The following FSTL5 variants were observed in gnomAD, a reference collection of about 807,000 sequenced individuals.
FSTL5 encodes follistatin-related protein 5.
A neutral mutation model predicts 89.1 loss-of-function variants in FSTL5; 62 were observed. The ratio of observed to expected loss-of-function variants is 0.70; its 90% CI spans 0.57 to 0.86. FSTL5 has a LOEUF of 0.86. Ranked by LOEUF, FSTL5 falls within the 40% of genes least tolerant of loss-of-function variation. The probability of loss-of-function intolerance (pLI) is 0.00; values close to 1 mark genes in which losing one functional copy is unlikely to be tolerated. For synonymous variants in FSTL5, 383 were observed against 346.2 expected (o/e 1.11, Z -1.18); for missense variants, 1,057 against 1,001.6 (o/e 1.06, Z -0.75).
At chr4:162,130,383 G>C (rs1463142608) in intron 1 of FSTL5, among the ~76,000 whole-genome samples, 1 of 149,318 alleles carries the variant, frequency 6.7e-6, no homozygotes, top group East Asian at 2.0e-4. Context: ...AAACAAGAAT[G>C]TTGTGTTTCC....
chr4:162,152,424 T>C (rs1253458099), intron 1 of FSTL5, among the ~76,000 whole-genome samples: 3 of 152,182 alleles, frequency 2.0e-5, no homozygotes, highest in Non-Finnish European at 2.9e-5. Flanking sequence ...TGCCAAAGGA[T>C]TGAGATATTG....
chr4:161,537,395 C>T (rs549984120), intron 10 of FSTL5, among the ~76,000 whole-genome samples: 3 of 152,118 alleles, frequency 2.0e-5, no homozygotes, highest in Non-Finnish European at 4.4e-5. Flanking sequence ...CACTGTGGCA[C>T]GTGTATACCA....
intron 15 of FSTL5, among the ~76,000 whole-genome samples, chr4:161,432,498 A>G (rs922028767): frequency 2.0e-5 from 3 of 152,084 alleles, no homozygotes; most frequent in African/African-American, 7.2e-5. Context: ...CCAAAAAGGT[A>G]GAAAAACTTC....
chr4:161,494,445 T>C (rs1262044784), intron 12 of FSTL5, among the ~76,000 whole-genome samples: 2 of 152,134 alleles, frequency 1.3e-5, no homozygotes, highest in Admixed American at 6.6e-5. Flanking sequence ...AGGGAATTGA[T>C]GAACACCCTG....
chr4:161,546,166 TAA>T (rs1731997641), intron 8 of FSTL5, among the ~76,000 whole-genome samples: 1 of 151,092 alleles, frequency 6.6e-6, no homozygotes, highest in Admixed American at 6.6e-5. Flanking sequence ...AATAGAAAGT[TAA>T]GTCAGAAAAA....
At chr4:161,534,133 C>G (rs6819623) in intron 10 of FSTL5, among the ~76,000 whole-genome samples, 1 of 151,958 alleles carries the variant, frequency 6.6e-6, no homozygotes, top group African/African-American at 2.4e-5. Context: ...ATACTGAATG[C>G]GCAAAAGCTG....
chr4:161,977,816 C>T (rs1401115688), intron 3 of FSTL5, among the ~76,000 whole-genome samples: 1 of 151,786 alleles, frequency 6.6e-6, no homozygotes, highest in Non-Finnish European at 1.5e-5. Context: ...TTCACCAAAG[C>T]AGAAGTGGAC....
At chr4:162,014,287 T>C (rs1294698773) in intron 3 of FSTL5, among the ~76,000 whole-genome samples, 2 of 152,230 alleles carry the variant, frequency 1.3e-5, no homozygotes, top group African/African-American at 4.8e-5. Flanking sequence ...TTTTCAGCCT[T>C]GTCTGCAAGG....
chr4:161,504,904 T>A (rs987050536), intron 11 of FSTL5, among the ~76,000 whole-genome samples: 1 of 152,102 alleles, frequency 6.6e-6, no homozygotes, highest in East Asian at 1.9e-4. Context: ...TAATTTCTGA[T>A]CATTGGATGC....
At chr4:162,096,732 C>A (rs1730767288) in intron 2 of FSTL5, among the ~76,000 whole-genome samples, 2 of 151,748 alleles carry the variant, frequency 1.3e-5, no homozygotes, top group East Asian at 3.9e-4. Flanking sequence ...TAAGTATGAA[C>A]AAGTTTACTA....
chr4:162,083,441 T>C (rs1196336149), intron 2 of FSTL5, among the ~76,000 whole-genome samples: 1 of 151,758 alleles, frequency 6.6e-6, no homozygotes, highest in African/African-American at 2.4e-5. Context: ...AAATATTGAC[T>C]CTCTTTAAGA....
At chr4:161,625,651 C>T (rs1162686277) in intron 7 of FSTL5, among the ~76,000 whole-genome samples, 2 of 152,012 alleles carry the variant, frequency 1.3e-5, no homozygotes, top group Non-Finnish European at 2.9e-5. Flanking sequence ...AAGGAAGAGT[C>T]ACACACCTCT....
intron 7 of FSTL5, among the ~76,000 whole-genome samples, chr4:161,607,821 T>C (rs921232042): frequency 7.2e-5 from 11 of 152,174 alleles, no homozygotes; most frequent in African/African-American, 2.4e-4. Flanking sequence ...TTTGTTATCA[T>C]TAAATGTTTG....
chr4:161,499,817 A>C (rs1730231793), intron 12 of FSTL5, among the ~76,000 whole-genome samples, 199 bp downstream of exon 12: 1 of 147,150 alleles, frequency 6.8e-6, no homozygotes, highest in Non-Finnish European at 1.5e-5. Flanking sequence ...ATATATTAGC[A>C]AATTCTTAGG....
intron 1 of FSTL5, among the ~76,000 whole-genome samples, chr4:162,158,668 A>T (rs989301346): frequency 6.6e-6 from 1 of 152,020 alleles, no homozygotes; most frequent in Admixed American, 6.6e-5. Flanking sequence ...TGGAGATTTG[A>T]TGTGAATTTC....
Position 161,440,091 on chromosome 4 carries a change from G to A in FSTL5, c.1841+14913C>T, listed in dbSNP as rs79352743. On this transcript the variant is annotated intron_variant, in intron 15 of 15. Transcript: ENST00000306100. ...TAGAGAAGAATAAGGTGACTTTACA[G>A]GTCACCTCACAATGAAATGCTACTA... 7.4e-3 allele frequency among the ~76,000 whole-genome samples: 1,128 copies of A among 152,168 alleles called. 5 individuals are homozygous for A. The highest frequency in any genetic ancestry group is 0.011 in the Non-Finnish European group (738 of 67,976).
At chr4:161,422,382 T>G (rs2126316225) in intron 15 of FSTL5, among the ~76,000 whole-genome samples, 1 of 152,326 alleles carries the variant, frequency 6.6e-6, no homozygotes, top group South Asian at 2.1e-4. Context: ...CTATTGATAT[T>G]TTAATGAGAG....
intron 15 of FSTL5, among the ~76,000 whole-genome samples, chr4:161,398,877 A>T (rs1163152498): frequency 6.6e-6 from 1 of 152,108 alleles, no homozygotes; most frequent in African/African-American, 2.4e-5. Flanking sequence ...CATGAATACA[A>T]TCTTCACATT....
intron 5 of FSTL5, among the ~76,000 whole-genome samples, chr4:161,764,847 T>C (rs1009608031): frequency 3.3e-5 from 5 of 152,210 alleles, no homozygotes; most frequent in Non-Finnish European, 7.3e-5. Flanking sequence ...ATGTTTAATA[T>C]TTTAAAGCCT....
Sources: gnomAD v4.1 joint callset for allele counts (sites outside exome capture counted in the v4.1 genomes callset) on GRCh38, gnomAD v4.1.1 for gene constraint, MANE v1.5 for transcripts, NCBI Gene and HGNC (gene_info 2026-07-23, HGNC 2026-07-21) for gene names.